The following DENND4C variants were observed in gnomAD, a reference collection of about 807,000 sequenced individuals.
DENND4C encodes the protein DENN domain containing 4C.
In DENND4C, 108 loss-of-function variants were observed where a neutral mutation model predicts 203.0. The observed-to-expected ratio is 0.53, with a 90% CI of 0.46 to 0.62. The LOEUF (loss-of-function observed/expected upper bound fraction) is 0.62. Ranked by LOEUF, DENND4C falls within the 20% of genes least tolerant of loss-of-function variation. DENND4C has a pLI of 0.00. For missense variants in DENND4C, 2,481 were observed against 2,301.2 expected (o/e 1.08, Z -1.60); for synonymous variants, 871 against 792.4 (o/e 1.10, Z -1.67).
At chr9:19,340,780 T>C (rs566858401) in intron 20 of DENND4C, among the ~76,000 whole-genome samples, 19 of 152,316 alleles carry the variant, frequency 1.2e-4, no homozygotes, top group African/African-American at 4.3e-4. Flanking sequence ...GATGTAGTGC[T>C]TCCAAATGTG....
At chr9:19,339,517 C>A (rs562089511) in intron 20 of DENND4C, among the ~76,000 whole-genome samples, 2 of 152,186 alleles carry the variant, frequency 1.3e-5, no homozygotes, top group Non-Finnish European at 2.9e-5. Context: ...ATGTTGACTC[C>A]TTCTCAGGTT....
intron 30 of DENND4C, among the ~76,000 whole-genome samples, chr9:19,364,137 T>G (rs183944264): frequency 2.6e-5 from 4 of 152,072 alleles, no homozygotes. Flanking sequence ...TAGCTATGAT[T>G]GCACCAGTGT....
intron 6 of DENND4C, among the ~76,000 whole-genome samples, chr9:19,296,476 GT>G (rs1837491948): frequency 6.7e-6 from 1 of 150,002 alleles, no homozygotes. Context: ...GCAGTTCTCT[GT>G]GTCAGCCTCC....
chr9:19,342,681 C>T lies in DENND4C; in HGVS notation c.3053C>T (p.Pro1018Leu). 1 of 1,612,914 alleles carries T rather than the reference C, an allele frequency of 6.2e-7. No individual in the cohort carries two copies. Among genetic ancestry groups the T allele is most frequent in the South Asian group, 1.1e-5 (1 of 90,858 alleles). The change falls in exon 22 of 33, where the codon CCA (proline) becomes CTA (leucine). Residue 1018 changes from proline to leucine, a missense_variant. Coordinates refer to ENST00000434457, the MANE Select transcript of DENND4C (RefSeq NM_001330640.2). ...AIVAKHSQPSPEPHSPTEPPA... is the reference protein window; with the variant it reads ...AIVAKHSQPSLEPHSPTEPPA... ...GTGGCAAAACATTCACAACCTAGTC[C>T]AGAGCCTCACAGTCCTACTGAACCT...
rs1194692236 is a variant in DENND4C at position 19,346,398 on chromosome 9, G to C, written c.3629G>C (p.Ser1210Thr). The C allele has an allele frequency of 6.2e-7, 1 of 1,614,126 alleles. No homozygotes were observed. Among genetic ancestry groups the C allele is most frequent in the Middle Eastern group, 1.6e-4 (1 of 6,062 alleles). Residue 1210 changes from serine to threonine, a missense_variant, in exon 23 of 33, where the codon AGT becomes ACT. This residue lies in a region of DENND4C where 2,289 missense variants were observed against 2,113.3 expected (regional missense o/e 1.08). Transcript: ENST00000434457. ...ATVDTYESLL[S>T]DSNSNQSRDL... ...GTAGATACATATGAGAGTCTACTAA[G>C]TGATAGTAACAGTAATCAGTCCAGA...
chr9:19,314,209 C>G (rs1018863273), intron 10 of DENND4C, among the ~76,000 whole-genome samples: 2 of 152,146 alleles, frequency 1.3e-5, no homozygotes, highest in Admixed American at 1.3e-4. Flanking sequence ...AGCCCCAGCA[C>G]CTTGGGAGGC....
At chr9:19,251,282 C>T (rs765575776) in intron 1 of DENND4C, among the ~76,000 whole-genome samples, 8 of 152,230 alleles carry the variant, frequency 5.3e-5, no homozygotes, top group Non-Finnish European at 1.0e-4. Context: ...TGAGCTGTAC[C>T]TTGGCTCATT....
chr9:19,292,381 A>G (rs1000796920), intron 5 of DENND4C: 7 of 152,108 alleles, frequency 4.6e-5, no homozygotes, highest in Non-Finnish European at 8.8e-5. Context: ...CCGGAGACAA[A>G]ACAACTAGAG....
intron 23 of DENND4C, among the ~76,000 whole-genome samples, chr9:19,348,623 T>C (rs545266995): frequency 1.3e-5 from 2 of 152,156 alleles, no homozygotes; most frequent in Non-Finnish European, 2.9e-5. Flanking sequence ...ATAAGACTTT[T>C]ATACCATTTG....
Position 19,298,503 on chromosome 9 carries a change from A to G in DENND4C, c.1107+381A>G, listed in dbSNP as rs909677832. On this transcript the variant is annotated intron_variant, in intron 7 of 32. Transcript: ENST00000434457. Reference sequence around the variant, plus strand: ...TAATTTAAACAAGGTCTATAATAGTACTGTGCTAAAGGACCAGTTTCTTTT... The same window carrying G: ...TAATTTAAACAAGGTCTATAATAGTGCTGTGCTAAAGGACCAGTTTCTTTT... Among the ~76,000 whole-genome samples the G allele has an allele frequency of 1.4e-4, 22 of 152,250 alleles. 2 individuals carry two copies. The highest frequency in any genetic ancestry group is 4.6e-4 in the Admixed American group (7 of 15,286).
chr9:19,373,864 C>G lies in DENND4C; in HGVS notation c.*1691C>G, dbSNP rs967487963. 6.6e-6 allele frequency among the ~76,000 whole-genome samples: 1 copy of G among 152,104 alleles called. No homozygotes were observed. The highest frequency in any genetic ancestry group is 1.5e-5 in the Non-Finnish European group (1 of 67,968). On this transcript the variant is annotated 3_prime_UTR_variant, in exon 33 of 33. Coordinates refer to ENST00000434457, the MANE Select transcript of DENND4C (RefSeq NM_001330640.2). ...CCATTTACAAATTATAGTTATTGTA[C>G]CAGTCTTTCAACATTTCAGGGTTAA...
At chr9:19,256,297 GTTTTTTTTTTTGTT>G (rs753241188) in intron 1 of DENND4C, among the ~76,000 whole-genome samples, 31,684 of 121,928 alleles carry the variant, frequency 0.26, 3,261 homozygotes, top group African/African-American at 0.32. Flanking sequence ...TTTCTTTTCT[GTTTTTTTTTTTGTT>G]TTTTTTTTTT....
intron 2 of DENND4C, among the ~76,000 whole-genome samples, chr9:19,283,515 T>G (rs1834544257): frequency 6.6e-6 from 1 of 152,144 alleles, no homozygotes; most frequent in African/African-American, 2.4e-5. Context: ...ATGCAGTCTG[T>G]GCTTGCATCA....
Position 19,324,314 on chromosome 9 carries a change from C to T in DENND4C, c.1808-48C>T, listed in dbSNP as rs55695239. The T allele has an allele frequency of 5.6e-6, 8 of 1,426,594 alleles. No homozygotes were observed. In the African/African-American group the frequency reaches 5.8e-5, roughly 10 times the overall value. 88.4% of individuals were successfully genotyped at this position (1,426,594 alleles called of 1,614,324 possible). ...ACAAGTTTAATGTTTCCTATAATATCGAATTCCAGTTTAAAATTTGAATTT... is the reference window on the plus strand; with the variant it reads ...ACAAGTTTAATGTTTCCTATAATATTGAATTCCAGTTTAAAATTTGAATTT... On this transcript the variant is annotated intron_variant, in intron 12 of 32. Coordinates refer to ENST00000434457, the MANE Select transcript of DENND4C (RefSeq NM_001330640.2).
chr9:19,297,650 A>G (rs1837736963), intron 6 of DENND4C, among the ~76,000 whole-genome samples: 1 of 152,204 alleles, frequency 6.6e-6, no homozygotes, highest in Admixed American at 6.5e-5. Flanking sequence ...CAAAAATAGA[A>G]TGGGTAGGTG....
rs759052780 is a variant in DENND4C at position 19,300,321 on chromosome 9, C to T, written c.1301C>T (p.Ala434Val). Residue 434 changes from alanine (A) to valine (V), a missense_variant, in exon 9 of 33, where the codon GCT (alanine) becomes GTT (valine). Coordinates refer to ENST00000434457, the MANE Select transcript of DENND4C (RefSeq NM_001330640.2). The part of the protein sequence containing the change: ...RPAVLTGVAE[A>V]VVAMIFPFQW... The stretch of plus-strand genomic sequence containing the variant: ...GCTGTCTTGACTGGGGTAGCTGAAG[C>T]TGTTGTAGCTGTAAGTATAGAATTT... The T allele has an allele frequency of 1.9e-6, 3 of 1,581,430 alleles. No individual in the cohort carries two copies. The highest frequency in any genetic ancestry group is 1.2e-5 in the South Asian group (1 of 85,862).
chr9:19,371,968 C>T, intron 32 of DENND4C, 69 bp from the exon 33 acceptor site: 1 of 1,506,830 alleles, frequency 6.6e-7, no homozygotes, highest in East Asian at 2.3e-5. Flanking sequence ...TGACTCAATA[C>T]CAATTTGAAA....
intron 17 of DENND4C, among the ~76,000 whole-genome samples, chr9:19,332,758 G>A (rs1213175774): frequency 8.2e-6 from 1 of 121,830 alleles, no homozygotes; most frequent in Admixed American, 8.7e-5. Flanking sequence ...TGGTTTTTCT[G>A]TTTTTGATTT....
At chr9:19,360,590 T>G (rs1295860561) in intron 29 of DENND4C, 101 bp downstream of exon 29, 22 of 1,454,092 alleles carry the variant, frequency 1.5e-5, no homozygotes, top group Non-Finnish European at 2.0e-5. Context: ...CAAGACAGAT[T>G]TATTTCTCTC....
Sources: allele counts gnomAD v4.1 joint callset (sites outside exome capture counted in the v4.1 genomes callset), GRCh38; gene constraint gnomAD v4.1.1; regional missense constraint gnomAD v4.1.1; transcripts MANE v1.5; gene names NCBI Gene and HGNC (gene_info 2026-07-23, HGNC 2026-07-21).